ANKRD6: variants seen among roughly 807,000 people sequenced by gnomAD.
The protein encoded by ANKRD6 is ankyrin repeat domain 6.
ANKRD6 carries 56 observed loss-of-function variants against 82.3 expected under a neutral mutation model. That is an observed-to-expected ratio of 0.68 (90% CI 0.55 to 0.85). The LOEUF (loss-of-function observed/expected upper bound fraction) is 0.85, where lower values mean the gene tolerates loss of function less well. Ranked by LOEUF, ANKRD6 falls within the 40% of genes least tolerant of loss-of-function variation. The pLI, the probability that ANKRD6 is intolerant of heterozygous loss-of-function variation, is 0.00. For synonymous variants in ANKRD6, 347 were observed against 352.1 expected, an observed-to-expected ratio of 0.99 and a Z score of 0.16; for missense variants, 852 against 907.6, an observed-to-expected ratio of 0.94 and a Z score of 0.79.
chr6:89,466,160 A>G (rs535885793), intron 1 of ANKRD6, among the ~76,000 whole-genome samples: 2 of 152,254 alleles, frequency 1.3e-5, no homozygotes, highest in African/African-American at 2.4e-5. Flanking sequence ...ATTCTACTCA[A>G]TTTTCAAAAT....
At chr6:89,502,552 C>T (rs1779381336) in intron 1 of ANKRD6, among the ~76,000 whole-genome samples, 1 of 151,990 alleles carries the variant, frequency 6.6e-6, no homozygotes, top group African/African-American at 2.4e-5. Flanking sequence ...GGTCCAAATC[C>T]CTATCTACTA....
chr6:89,592,179 AG>A (rs1344825677), intron 2 of ANKRD6, among the ~76,000 whole-genome samples: 1 of 152,234 alleles, frequency 6.6e-6, no homozygotes, highest in African/African-American at 2.4e-5. Context: ...TGGTTGGAAG[AG>A]ATCCAACTCT....
intron 1 of ANKRD6, among the ~76,000 whole-genome samples, chr6:89,499,884 A>G (rs1344228356): frequency 3.9e-5 from 6 of 152,098 alleles, no homozygotes; most frequent in Non-Finnish European, 7.4e-5. Flanking sequence ...TCAAAACAGC[A>G]TTCCAAACAG....
chr6:89,530,454 C>G (rs1354077815), intron 1 of ANKRD6, among the ~76,000 whole-genome samples: 1 of 150,946 alleles, frequency 6.6e-6, no homozygotes, highest in African/African-American at 2.4e-5. Flanking sequence ...ATGCCCAAAT[C>G]TTATTGATTA....
chr6:89,507,577 C>T (rs138974215), intron 1 of ANKRD6, among the ~76,000 whole-genome samples: 1 of 152,256 alleles, frequency 6.6e-6, no homozygotes, highest in African/African-American at 2.4e-5. Flanking sequence ...AAACAGAGCA[C>T]GGGGTAGGAC....
chr6:89,449,012 A>G (rs376707609), intron 1 of ANKRD6, among the ~76,000 whole-genome samples: 7 of 147,650 alleles, frequency 4.7e-5, no homozygotes, highest in Admixed American at 3.4e-4. Context: ...CCTGGGAGAC[A>G]CAGCGAGACT....
chr6:89,540,108 T>G (rs1411980455), intron 1 of ANKRD6, among the ~76,000 whole-genome samples: 1 of 152,188 alleles, frequency 6.6e-6, no homozygotes, highest in Non-Finnish European at 1.5e-5. Flanking sequence ...GTTCAGATTT[T>G]TTTTTGATAC....
At chr6:89,482,838 TA>T (rs2127811780) in intron 1 of ANKRD6, among the ~76,000 whole-genome samples, 1 of 152,342 alleles carries the variant, frequency 6.6e-6, no homozygotes, top group South Asian at 2.1e-4. Context: ...CCCTCCTGGT[TA>T]CCTACTCCAC....
chr6:89,630,804 TC>T lies in ANKRD6; in HGVS notation c.1987del (p.Gln663LysfsTer43). On this transcript the variant is annotated frameshift_variant, in exon 16 of 16. Transcript: ENST00000339746. LOFTEE classifies it high-confidence loss of function. The stretch of plus-strand genomic sequence containing the variant: ...GACTGGCCCTCACATTCGGGACACC[TC>T]CCAAGCTCTGGAGCTTACCCAGTAT... ...EQTGPHIRDTSQALELTQYFF... is the reference protein window; with the variant it reads ...EQTGPHIRDTXQALELTQYFF... 1 of 1,613,894 alleles carries T rather than the reference TC, an allele frequency of 6.2e-7. No individual in the cohort carries two copies. The highest frequency in any genetic ancestry group is 2.2e-5 in the East Asian group (1 of 44,886).
chr6:89,592,626 G>A (rs1476401520), intron 2 of ANKRD6, among the ~76,000 whole-genome samples: 1 of 152,140 alleles, frequency 6.6e-6, no homozygotes, highest in Non-Finnish European at 1.5e-5. Flanking sequence ...CTTTGAACCT[G>A]TCCTAGTCCA....
At chr6:89,518,319 T>C (rs993271987) in intron 1 of ANKRD6, among the ~76,000 whole-genome samples, 5 of 152,036 alleles carry the variant, frequency 3.3e-5, no homozygotes, top group African/African-American at 1.2e-4. Context: ...GGAGAATGGC[T>C]TGAGCCTGGG....
chr6:89,477,408 A>G (rs1227225800), intron 1 of ANKRD6, among the ~76,000 whole-genome samples: 1 of 152,112 alleles, frequency 6.6e-6, no homozygotes, highest in Non-Finnish European at 1.5e-5. Context: ...TTGAGATCAT[A>G]CACCATCATT....
chr6:89,547,559 A>G (rs1357401632), intron 1 of ANKRD6, among the ~76,000 whole-genome samples: 2 of 152,174 alleles, frequency 1.3e-5, no homozygotes, highest in African/African-American at 2.4e-5. Flanking sequence ...GCTGCTTGGC[A>G]GCGCACCAGC....
At chr6:89,564,991 G>A (rs1788162555) in intron 1 of ANKRD6, among the ~76,000 whole-genome samples, 1 of 152,172 alleles carries the variant, frequency 6.6e-6, no homozygotes, top group South Asian at 2.1e-4. Context: ...AGTATAATTG[G>A]TTTGAACAAA....
At chr6:89,525,950 G>T (rs1782451211) in intron 1 of ANKRD6, among the ~76,000 whole-genome samples, 1 of 152,210 alleles carries the variant, frequency 6.6e-6, no homozygotes, top group South Asian at 2.1e-4. Context: ...TTGTAAATCA[G>T]ATTTAGGAAG....
chr6:89,584,797 A>G (rs1393205758), intron 2 of ANKRD6, among the ~76,000 whole-genome samples: 1 of 152,132 alleles, frequency 6.6e-6, no homozygotes, highest in African/African-American at 2.4e-5. Context: ...ACAGACATTT[A>G]TTTTTCACAG....
chr6:89,536,641 G>C (rs978580873), intron 1 of ANKRD6, among the ~76,000 whole-genome samples: 1 of 152,250 alleles, frequency 6.6e-6, no homozygotes, highest in African/African-American at 2.4e-5. Flanking sequence ...ACTTGAATGT[G>C]TGTGTGTGTC....
At chr6:89,499,894 G>A (rs187826372) in intron 1 of ANKRD6, among the ~76,000 whole-genome samples, 1 of 152,068 alleles carries the variant, frequency 6.6e-6, no homozygotes, top group African/African-American at 2.4e-5. Flanking sequence ...ATTCCAAACA[G>A]AAGACAAATG....
intron 1 of ANKRD6, among the ~76,000 whole-genome samples, chr6:89,449,636 C>G (rs976535659): frequency 6.6e-6 from 1 of 152,196 alleles, no homozygotes; most frequent in Non-Finnish European, 1.5e-5. Flanking sequence ...TGCCCAGTAA[C>G]GGCATTTTCA....
Sources: gnomAD v4.1 joint callset for allele counts (sites outside exome capture counted in the v4.1 genomes callset) on GRCh38, gnomAD v4.1.1 for gene constraint, MANE v1.5 for transcripts, NCBI Gene and HGNC (gene_info 2026-07-23, HGNC 2026-07-21) for gene names.